TERF2: variants seen among roughly 807,000 people sequenced by gnomAD.
TERF2 encodes telomeric repeat-binding factor 2.
TERF2 carries 16 observed loss-of-function variants against 56.1 expected under a neutral mutation model. The observed-to-expected ratio is 0.29, with a 90% CI of 0.19 to 0.43. TERF2 has a LOEUF of 0.43. Among genes scored for constraint, TERF2 ranks in the 20% least tolerant of loss-of-function variants. TERF2 has a pLI of 1.00. For missense variants in TERF2, 547 were observed against 712.9 expected (o/e 0.77, Z 2.65); for synonymous variants, 296 against 282.1 (o/e 1.05, Z -0.50).
intron 5 of TERF2, 187 bp downstream of exon 5, chr16:69,370,296 G>A: frequency 5.3e-6 from 4 of 753,314 alleles, no homozygotes; most frequent in Non-Finnish European, 8.1e-6. Flanking sequence ...CTCCCAAAGT[G>A]CTGGGATTAC....
intron 4 of TERF2, among the ~76,000 whole-genome samples, chr16:69,371,527 T>C (rs1180083457): frequency 1.4e-5 from 2 of 142,956 alleles, no homozygotes; most frequent in Admixed American, 7.1e-5. Flanking sequence ...AAAAAGTATA[T>C]AGAAGAAATG....
At chr16:69,360,078 C>T (rs1255894595) in intron 8 of TERF2, among the ~76,000 whole-genome samples, 1 of 151,826 alleles carries the variant, frequency 6.6e-6, no homozygotes, top group Non-Finnish European at 1.5e-5. Context: ...TTTTCAAGTC[C>T]TTGTTCATTT....
intron 4 of TERF2, among the ~76,000 whole-genome samples, chr16:69,370,879 G>C (rs547348229): frequency 1.3e-5 from 2 of 152,082 alleles, no homozygotes; most frequent in African/African-American, 4.8e-5. Context: ...ATGATTCCAA[G>C]ATATAATATT....
Position 69,372,365 on chromosome 16 carries a change from A to G in TERF2, c.607-10T>C, listed in dbSNP as rs762254781. The G allele has an allele frequency of 6.3e-7, 1 of 1,577,406 alleles. No homozygotes were observed. Among genetic ancestry groups the G allele is most frequent in the South Asian group, 1.2e-5 (1 of 86,380 alleles). ...TACAAATAATGACAGCCTAAAAAGG[A>G]GGGGAAAAATCTTTTTTTACTTTTG... On this transcript the variant is annotated splice_polypyrimidine_tract_variant and intron_variant, in intron 3 of 9. Transcript: ENST00000254942.
chr16:69,363,557 C>A (rs933512757), intron 7 of TERF2, among the ~76,000 whole-genome samples: 3 of 152,144 alleles, frequency 2.0e-5, no homozygotes, highest in Non-Finnish European at 4.4e-5. Context: ...GCAGTTTGAA[C>A]ATGAAGAGCA....
rs777009303 is a variant in TERF2 at position 69,367,013 on chromosome 16, G to A, written c.1134C>T (p.Asn378=). The part of the protein sequence containing the change: ...LKNKRPRKDE[N]ESSAPADGEG... Reference sequence around the variant, plus strand: ...CACCGTCAGCCGGGGCTGAACTTTCGTTTTCATCTTTTCTGGGTCTCTTGT... The same window carrying A: ...CACCGTCAGCCGGGGCTGAACTTTCATTTTCATCTTTTCTGGGTCTCTTGT... Residue 378 remains asparagine, a synonymous_variant, in exon 7 of 10, where the codon AAC becomes AAT. Transcript: ENST00000254942. 7 of 1,614,214 alleles carry A rather than the reference G, an allele frequency of 4.3e-6. No homozygotes were observed. Among genetic ancestry groups the A allele is most frequent in the South Asian group, 2.2e-5 (2 of 91,082 alleles).
At chr16:69,365,808 G>A (rs543372023) in intron 7 of TERF2, 1 of 152,536 alleles carries the variant, frequency 6.6e-6, no homozygotes, top group Admixed American at 6.5e-5. Flanking sequence ...TTACAGGTGT[G>A]AGCCAGCGCA....
intron 3 of TERF2, among the ~76,000 whole-genome samples, chr16:69,374,918 T>C (rs908857013): frequency 3.3e-5 from 5 of 151,800 alleles, no homozygotes; most frequent in African/African-American, 9.7e-5. Flanking sequence ...TGAGCCGAGA[T>C]TGCGCCACTG....
chr16:69,364,316 C>A (rs1397715078), intron 7 of TERF2, among the ~76,000 whole-genome samples: 1 of 152,164 alleles, frequency 6.6e-6, no homozygotes, highest in Non-Finnish European at 1.5e-5. Context: ...CCTCCCTTCC[C>A]TGAGTGGGGT....
chr16:69,370,205 AT>A (rs1280826080), intron 5 of TERF2: 2 of 408,874 alleles, frequency 4.9e-6, no homozygotes, highest in African/African-American at 4.1e-5. Context: ...TAATTTTTAT[AT>A]TTTTAGTAGA....
intron 3 of TERF2, among the ~76,000 whole-genome samples, chr16:69,380,088 T>C (rs1261622829): frequency 1.3e-5 from 2 of 152,014 alleles, no homozygotes; most frequent in Non-Finnish European, 2.9e-5. Context: ...AATTTTTGTA[T>C]TTTTGGTAGA....
intron 7 of TERF2, chr16:69,365,964 G>A (rs1240516131): frequency 6.6e-6 from 1 of 152,242 alleles, no homozygotes; most frequent in Non-Finnish European, 1.5e-5. Flanking sequence ...GGTGAGCTAA[G>A]AACTTTTCTG....
chr16:69,368,535 T>C, intron 5 of TERF2, 53 bp from the exon 6 acceptor site: 1 of 1,605,742 alleles, frequency 6.2e-7, no homozygotes, highest in Non-Finnish European at 8.5e-7. Flanking sequence ...TTGCATTAAT[T>C]CTCTGCTTCT....
At chr16:69,379,655 T>C (rs1406385301) in intron 3 of TERF2, among the ~76,000 whole-genome samples, 2 of 152,186 alleles carry the variant, frequency 1.3e-5, no homozygotes, top group African/African-American at 4.8e-5. Flanking sequence ...TTGCTGATAT[T>C]CACTGTATTA....
At chr16:69,382,867 A>G (rs2014055040) in intron 3 of TERF2, among the ~76,000 whole-genome samples, 1 of 152,192 alleles carries the variant, frequency 6.6e-6, no homozygotes, top group Non-Finnish European at 1.5e-5. Context: ...GAAAGATAAT[A>G]TTAACTGTTT....
Position 69,373,819 on chromosome 16 carries a change from C to T in TERF2, c.607-1464G>A, listed in dbSNP as rs576030023. On this transcript the variant is annotated intron_variant, in intron 3 of 9. Transcript: ENST00000254942. ...CTGCACTCCAGCTTGGGCGAAAGAG[C>T]GATACCCCGTCTCAAAACAAACAAT... Among the ~76,000 whole-genome samples, 18 of 152,206 alleles carry T rather than the reference C, an allele frequency of 1.2e-4. No homozygotes were observed. The East Asian group carries it at 1.5e-3, about 13-fold the overall frequency.
intron 2 of TERF2, 99 bp from the exon 3 acceptor site, chr16:69,384,809 A>G: frequency 3.6e-6 from 4 of 1,112,628 alleles, no homozygotes; most frequent in South Asian, 2.5e-5. Flanking sequence ...TGGAGCATGC[A>G]AATATGGTAA....
chr16:69,359,085 T>C (rs182661751), intron 8 of TERF2, among the ~76,000 whole-genome samples: 9 of 152,330 alleles, frequency 5.9e-5, no homozygotes, highest in Admixed American at 5.2e-4. Flanking sequence ...GATATGAATT[T>C]TTCAGCTCTA....
chr16:69,385,783 G>C lies in TERF2; in HGVS notation c.189C>G (p.Arg63=), dbSNP rs937437053. ...GCCCCCGCCGGGCCCGCCCGCTACT[G>C]CGGGACGCCCGCCTGCCAGCTGCCC... ...SGRAAGRRAS[R]SSGRARRGRH... The change falls in exon 1 of 10, where the codon CGC becomes CGG. Residue 63 remains arginine (R), a synonymous_variant. Coordinates refer to ENST00000254942, the MANE Select transcript of TERF2 (RefSeq NM_005652.5). The C allele has an allele frequency of 4.0e-5, 52 of 1,299,796 alleles. No homozygotes were observed. The highest frequency in any genetic ancestry group is 5.1e-5 in the Non-Finnish European group (52 of 1,025,474). The allele number at this position is 1,299,796 out of a possible 1,614,324, so 80.5% of individuals were successfully genotyped here.
Sources: gnomAD v4.1 joint callset for allele counts (sites outside exome capture counted in the v4.1 genomes callset) on GRCh38, gnomAD v4.1.1 for gene constraint, MANE v1.5 for transcripts, NCBI Gene and HGNC (gene_info 2026-07-23, HGNC 2026-07-21) for gene names.